Variants in SMIM10L3 observed in about 807,000 individuals in gnomAD.
SMIM10L3 encodes small integral membrane protein 10 like 3.
At chr7:6,330,956 T>C in the SMIM10L3 span, 1 of 1,614,252 alleles carries the variant, frequency 6.2e-7, no homozygotes, top group Non-Finnish European at 8.5e-7. Context: ...CTCGGATCCT[T>C]TCTCATTTCC....
chr7:6,346,203 C>A, the SMIM10L3 span, among the ~76,000 whole-genome samples: 1 of 152,110 alleles, frequency 6.6e-6, no homozygotes, highest in East Asian at 1.9e-4. Context: ...CAGGCCTTCT[C>A]GTTTACCAGT....
At chr7:6,337,260 C>A in the SMIM10L3 span, among the ~76,000 whole-genome samples, 1 of 151,978 alleles carries the variant, frequency 6.6e-6, no homozygotes, top group South Asian at 2.1e-4. Context: ...TGTCTTCTCC[C>A]CTTTGGGACT....
chr7:6,347,660 G>A, the SMIM10L3 span, among the ~76,000 whole-genome samples: 2 of 152,034 alleles, frequency 1.3e-5, no homozygotes, highest in Non-Finnish European at 2.9e-5. Flanking sequence ...ATTTTCCCTG[G>A]TCTTCACCCT....
the SMIM10L3 span, among the ~76,000 whole-genome samples, chr7:6,347,214 G>A: frequency 6.6e-6 from 1 of 152,140 alleles, no homozygotes; most frequent in African/African-American, 2.4e-5. Flanking sequence ...TTCAAGGGAT[G>A]TAGAAATATC....
chr7:6,343,000 G>A, the SMIM10L3 span, among the ~76,000 whole-genome samples: 1 of 150,710 alleles, frequency 6.6e-6, no homozygotes, highest in East Asian at 2.0e-4. Flanking sequence ...TCGCACCACT[G>A]CACTCCAGCC....
At chr7:6,336,710 A>G in the SMIM10L3 span, among the ~76,000 whole-genome samples, 1 of 150,746 alleles carries the variant, frequency 6.6e-6, no homozygotes, top group African/African-American at 2.4e-5. Flanking sequence ...CTGGAGTGCA[A>G]TGGCACAGTC....
chr7:6,343,045 A>AC, the SMIM10L3 span, among the ~76,000 whole-genome samples: 7 of 126,214 alleles, frequency 5.5e-5, no homozygotes, highest in South Asian at 5.1e-4. Context: ...TCAAAAAAAA[A>AC]AAAGAAAAAA....
the SMIM10L3 span, among the ~76,000 whole-genome samples, chr7:6,345,091 G>C: frequency 6.6e-6 from 1 of 151,238 alleles, no homozygotes; most frequent in African/African-American, 2.4e-5. Context: ...GACATGATCA[G>C]ATTTATGGGA....
chr7:6,343,030 C>T, the SMIM10L3 span, among the ~76,000 whole-genome samples: 1 of 127,432 alleles, frequency 7.8e-6, no homozygotes, highest in Admixed American at 8.5e-5. Context: ...GAGGAAGACG[C>T]TTTCTCAAAA....
At chr7:6,344,932 G>A in the SMIM10L3 span, among the ~76,000 whole-genome samples, 1 of 151,372 alleles carries the variant, frequency 6.6e-6, no homozygotes, top group Admixed American at 6.6e-5. Flanking sequence ...GTAGAGATGG[G>A]GTTTCACCAT....
chr7:6,343,385 T>C, the SMIM10L3 span, among the ~76,000 whole-genome samples: 4 of 114,474 alleles, frequency 3.5e-5, 1 homozygote, highest in Admixed American at 4.1e-4. Flanking sequence ...CTCAAAAAAA[T>C]AATAATAATT....
chr7:6,331,057 C>G, the SMIM10L3 span: 12 of 1,613,698 alleles, frequency 7.4e-6, no homozygotes, highest in Non-Finnish European at 1.0e-5. Context: ...CTCCGGCATT[C>G]TTTTCTTAAG....
chr7:6,330,412 T>C, the SMIM10L3 span: 55 of 1,613,864 alleles, frequency 3.4e-5, no homozygotes, highest in South Asian at 5.2e-4. Flanking sequence ...TTCAAAAGGT[T>C]GCAGAGCCAG....
At chr7:6,340,337 G>T in the SMIM10L3 span, among the ~76,000 whole-genome samples, 1 of 152,154 alleles carries the variant, frequency 6.6e-6, no homozygotes, top group Non-Finnish European at 1.5e-5. Context: ...AGTGTTTCAG[G>T]GAAGGACAAA....
the SMIM10L3 span, chr7:6,348,933 G>C: frequency 3.7e-5 from 14 of 383,052 alleles, no homozygotes; most frequent in South Asian, 1.4e-4. Context: ...GTGCCTCCGC[G>C]AGCAGCCGCC....
At chr7:6,348,967 T>C in the SMIM10L3 span, 2 of 374,398 alleles carry the variant, frequency 5.3e-6, no homozygotes, top group Non-Finnish European at 9.5e-6. Flanking sequence ...CCGCGCAGCC[T>C]GACGTCACAA....
the SMIM10L3 span, among the ~76,000 whole-genome samples, chr7:6,333,809 G>A: frequency 1.5e-5 from 2 of 129,506 alleles, no homozygotes; most frequent in East Asian, 4.6e-4. Context: ...GTCTCCCCAT[G>A]TTGCCTAGAA....
chr7:6,334,482 A>T, the SMIM10L3 span, among the ~76,000 whole-genome samples: 176 of 152,120 alleles, frequency 1.2e-3, 1 homozygote, highest in African/African-American at 4.0e-3. Context: ...TCTCAAAAAA[A>T]GAAAAGATGG....
the SMIM10L3 span, among the ~76,000 whole-genome samples, chr7:6,338,023 C>G: frequency 6.6e-6 from 1 of 151,956 alleles, no homozygotes. Flanking sequence ...AGGCTGCTCT[C>G]GAACTCCTGA....
Sources: gnomAD v4.1 joint callset for allele counts (sites outside exome capture counted in the v4.1 genomes callset) on GRCh38, gnomAD v4.1.1 for gene constraint, MANE v1.5 for transcripts, NCBI Gene and HGNC (gene_info 2026-07-23, HGNC 2026-07-21) for gene names.